PLPP3: variants seen among roughly 807,000 people sequenced by gnomAD.
PLPP3 encodes the protein phospholipid phosphatase 3.
In PLPP3, 6 loss-of-function variants were observed where a neutral mutation model predicts 29.6. That is an observed-to-expected ratio of 0.20 (90% CI 0.11 to 0.40). The LOEUF (loss-of-function observed/expected upper bound fraction) is 0.40. Ranked by LOEUF, PLPP3 falls within the 10% of genes least tolerant of loss-of-function variation. The pLI is 1.00. For missense variants in PLPP3, 308 were observed against 407.7 expected, an observed-to-expected ratio of 0.76 and a Z score of 2.11; for synonymous variants, 152 against 159.7, an observed-to-expected ratio of 0.95 and a Z score of 0.36.
At chr1:56,555,464 AAAAC>A (rs1553139196) in intron 1 of PLPP3, among the ~76,000 whole-genome samples, 5 of 149,454 alleles carry the variant, frequency 3.3e-5, no homozygotes, top group Non-Finnish European at 4.5e-5. Context: ...AAAAAAACAA[AAAAC>A]AAACAAACAA....
intron 1 of PLPP3, among the ~76,000 whole-genome samples, chr1:56,549,296 T>A (rs1364962199): frequency 6.6e-6 from 1 of 152,156 alleles, no homozygotes; most frequent in Admixed American, 6.6e-5. Flanking sequence ...GTCAATATCC[T>A]GGCAGGGAAA....
At chr1:56,529,682 T>A (rs1245713245) in intron 2 of PLPP3, among the ~76,000 whole-genome samples, 1 of 152,184 alleles carries the variant, frequency 6.6e-6, no homozygotes, top group Non-Finnish European at 1.5e-5. Context: ...AAGTGCAGCG[T>A]CTTTAGTAAC....
chr1:56,542,447 G>A (rs1645977033), intron 1 of PLPP3, among the ~76,000 whole-genome samples: 1 of 152,164 alleles, frequency 6.6e-6, no homozygotes, highest in African/African-American at 2.4e-5. Flanking sequence ...TGGGAAGGGT[G>A]AAGAAGGAAT....
chr1:56,542,182 C>T (rs907960380), intron 1 of PLPP3, among the ~76,000 whole-genome samples: 4 of 152,092 alleles, frequency 2.6e-5, no homozygotes, highest in Admixed American at 6.5e-5. Context: ...GGGTTCAGGC[C>T]TTTGAAACTT....
At chr1:56,527,238 G>A (rs1645858351) in intron 2 of PLPP3, among the ~76,000 whole-genome samples, 1 of 152,160 alleles carries the variant, frequency 6.6e-6, no homozygotes, top group African/African-American at 2.4e-5. Context: ...GGGAAAACAA[G>A]GAGATGAAAA....
intron 5 of PLPP3, among the ~76,000 whole-genome samples, chr1:56,505,508 C>T (rs1021954022): frequency 1.3e-5 from 2 of 152,188 alleles, no homozygotes; most frequent in Admixed American, 6.5e-5. Flanking sequence ...TCTGCTTCTG[C>T]CAACCCTGAG....
chr1:56,540,647 T>C (rs1037661098), intron 1 of PLPP3, among the ~76,000 whole-genome samples: 2 of 152,110 alleles, frequency 1.3e-5, no homozygotes, highest in Non-Finnish European at 2.9e-5. Context: ...TTGAAAGGCA[T>C]GCAGATGGCA....
At chr1:56,530,371 C>T (rs571198399) in intron 2 of PLPP3, among the ~76,000 whole-genome samples, 2 of 152,268 alleles carry the variant, frequency 1.3e-5, no homozygotes, top group South Asian at 4.1e-4. Flanking sequence ...CAGCCTACCC[C>T]TTTCCCCTAA....
At chr1:56,504,388 G>A (rs1645688432) in intron 5 of PLPP3, among the ~76,000 whole-genome samples, 1 of 152,166 alleles carries the variant, frequency 6.6e-6, no homozygotes, top group Admixed American at 6.5e-5. Context: ...GGCTATTAGG[G>A]AGGGTGTCTG....
rs189392053 is a variant in PLPP3 at position 56,539,654 on chromosome 1, A to G, written c.140-2542T>C. Among the ~76,000 whole-genome samples, 231 of 152,294 alleles carry G rather than the reference A, an allele frequency of 1.5e-3. 1 individual carries two copies. The highest frequency in any genetic ancestry group is 5.3e-3 in the African/African-American group (220 of 41,576). ...TAGGTTTTAAAACTTTGTCTCTGCAATGGAGGAGAGGGGGGCAGGGAAAGG... is the reference window on the plus strand; with the variant it reads ...TAGGTTTTAAAACTTTGTCTCTGCAGTGGAGGAGAGGGGGGCAGGGAAAGG... On this transcript the variant is annotated intron_variant, in intron 1 of 5. Transcript: ENST00000371250.
chr1:56,540,753 G>C (rs1156439444), intron 1 of PLPP3, among the ~76,000 whole-genome samples: 2 of 152,114 alleles, frequency 1.3e-5, no homozygotes, highest in African/African-American at 4.8e-5. Context: ...TCCAGGAAGA[G>C]TAACCACAGA....
intron 1 of PLPP3, among the ~76,000 whole-genome samples, chr1:56,557,707 T>A (rs1646094295): frequency 1.3e-5 from 2 of 152,172 alleles, no homozygotes; most frequent in African/African-American, 4.8e-5. Context: ...TATAACATTG[T>A]CAAGTCCACA....
rs145573744 is a variant in PLPP3, at chr1:56,518,715, T to TTATATATATATATATATATA, written c.633+5088_633+5107dup. On this transcript the variant is annotated intron_variant, in intron 4 of 5. Transcript: ENST00000371250. The stretch of plus-strand genomic sequence containing the variant: ...GGAATTTACAGCCTTTTTTAATCAT[T>TTATATATATATATATATATA]TATATATATATATATATATAGACAG... Among the ~76,000 whole-genome samples the TTATATATATATATATATATA allele has an allele frequency of 3.7e-3, 472 of 126,606 alleles. 10 individuals are homozygous for TTATATATATATATATATATA. The highest frequency in any genetic ancestry group is 0.01 in the African/African-American group (363 of 35,748). The allele number at this position is 126,606 out of a possible 152,430, so 83.1% of individuals were successfully genotyped here. A position where few individuals can be genotyped will look rare whatever the true frequency, so the allele number is the denominator to read the frequency against.
intron 1 of PLPP3, among the ~76,000 whole-genome samples, chr1:56,545,562 G>A (rs1646000216): frequency 1.3e-5 from 2 of 152,136 alleles, no homozygotes; most frequent in Admixed American, 1.3e-4. Flanking sequence ...TTTGACAGTG[G>A]TTAGCAAGAC....
At chr1:56,551,804 C>T (rs770988213) in intron 1 of PLPP3, among the ~76,000 whole-genome samples, 6 of 152,220 alleles carry the variant, frequency 3.9e-5, no homozygotes, top group Non-Finnish European at 7.3e-5. Context: ...GACCAGTGCA[C>T]TTCAAAAGCC....
In PLPP3 at chr1:56,509,832, CAAAAAAAAAAAA is replaced by C. The variant is rs59418227; in HGVS notation, c.810+2132_810+2143del. Among the ~76,000 whole-genome samples the C allele has an allele frequency of 8.9e-3, 764 of 86,174 alleles. 8 individuals carry two copies. Among genetic ancestry groups the C allele is most frequent in the African/African-American group, 0.036 (736 of 20,654 alleles). The allele number at this position is 86,174 out of a possible 152,430, so 56.5% of individuals were successfully genotyped here. On this transcript the variant is annotated intron_variant, in intron 5 of 5. Coordinates refer to ENST00000371250, the MANE Select transcript of PLPP3 (RefSeq NM_003713.5). Reference sequence around the variant, plus strand: ...AGCCTGGGTGAGAGAGCGAGACTCTCAAAAAAAAAAAAAAAAAAAAAGGAAGACAATGGGTAA... The same window carrying C: ...AGCCTGGGTGAGAGAGCGAGACTCTCAAAAAAAAAGGAAGACAATGGGTAA...
At chr1:56,531,673 T>C (rs1022255697) in intron 2 of PLPP3, among the ~76,000 whole-genome samples, 1 of 152,230 alleles carries the variant, frequency 6.6e-6, no homozygotes, top group Non-Finnish European at 1.5e-5. Flanking sequence ...GAGTGGGCCT[T>C]CATTAGCATC....
chr1:56,537,011 C>A lies in PLPP3; in HGVS notation c.241G>T (p.Glu81Ter), dbSNP rs1445945294. 1 of 1,613,798 alleles carries A rather than the reference C, an allele frequency of 6.2e-7. No individual in the cohort carries two copies. Reference sequence around the variant, plus strand: ...CAGAGCACAGCGTCATTTATTGTCTCACCAGTTTTCAGTGGGTACTTGATG... The same window carrying A: ...CAGAGCACAGCGTCATTTATTGTCTAACCAGTTTTCAGTGGGTACTTGATG... Reference protein sequence around the residue: ...ESIKYPLKTGETINDAVLCAV... With the variant: ...ESIKYPLKTG The change falls in exon 2 of 6, where the codon GAG becomes TAG. Residue 81 changes from glutamate (E) to a stop codon, truncating the protein, a stop_gained. Coordinates refer to ENST00000371250, the MANE Select transcript of PLPP3 (RefSeq NM_003713.5). LOFTEE classifies it high-confidence loss of function.
At chr1:56,566,537 C>T (rs913998234) in intron 1 of PLPP3, among the ~76,000 whole-genome samples, 7 of 152,090 alleles carry the variant, frequency 4.6e-5, no homozygotes, top group African/African-American at 7.3e-5. Flanking sequence ...TGTCAGCAAT[C>T]GTCATTATTT....
Sources: allele counts gnomAD v4.1 joint callset (sites outside exome capture counted in the v4.1 genomes callset), GRCh38; gene constraint gnomAD v4.1.1; transcripts MANE v1.5; gene names NCBI Gene and HGNC (gene_info 2026-07-23, HGNC 2026-07-21).